SEMA3A: variants seen among roughly 807,000 people sequenced by gnomAD.
SEMA3A encodes the protein semaphorin 3A, also known as semaphorin-3A.
SEMA3A carries 29 observed loss-of-function variants against 97.9 expected under a neutral mutation model. The ratio of observed to expected loss-of-function variants is 0.30; its 90% confidence interval spans 0.22 to 0.40. The LOEUF (loss-of-function observed/expected upper bound fraction) is 0.40. SEMA3A is among the 10% of genes least tolerant of loss of function. The probability of loss-of-function intolerance (pLI) is 1.00; values close to 1 mark genes in which losing one functional copy is unlikely to be tolerated. For synonymous variants in SEMA3A, 321 were observed against 323.7 expected (o/e 0.99, Z 0.09); for missense variants, 763 against 951.3 (o/e 0.80, Z 2.60).
At chr7:84,084,161 A>C (rs1204593122) in intron 4 of SEMA3A, among the ~76,000 whole-genome samples, 1 of 152,060 alleles carries the variant, frequency 6.6e-6, no homozygotes, top group Non-Finnish European at 1.5e-5. Context: ...TTAATATGGA[A>C]GAACCATTTA....
intron 4 of SEMA3A, among the ~76,000 whole-genome samples, chr7:84,081,665 T>A (rs1583932753): frequency 6.8e-6 from 1 of 146,486 alleles, no homozygotes; most frequent in African/African-American, 2.5e-5. Flanking sequence ...ATACAAACAA[T>A]CATAGTCAGT....
chr7:84,450,132 T>C (rs1805519489), intron 1 of SEMA3A, among the ~76,000 whole-genome samples: 1 of 152,172 alleles, frequency 6.6e-6, no homozygotes, highest in Admixed American at 6.6e-5. Flanking sequence ...GGTAGTTTTA[T>C]ATTTAATTTT....
At chr7:84,433,935 T>G (rs964595740) in intron 1 of SEMA3A, among the ~76,000 whole-genome samples, 7 of 152,118 alleles carry the variant, frequency 4.6e-5, no homozygotes, top group African/African-American at 1.7e-4. Context: ...GTTTTTTTTG[T>G]AAATTTGTTT....
chr7:84,348,120 CTT>C (rs1562913394), intron 2 of SEMA3A, among the ~76,000 whole-genome samples: 1 of 152,034 alleles, frequency 6.6e-6, no homozygotes, highest in Non-Finnish European at 1.5e-5. Flanking sequence ...AAAAATGTCT[CTT>C]TTAAAAAAGT....
intron 4 of SEMA3A, among the ~76,000 whole-genome samples, chr7:84,098,615 T>C (rs1182956902): frequency 2.6e-5 from 4 of 152,136 alleles, no homozygotes; most frequent in African/African-American, 9.6e-5. Flanking sequence ...ACATACACTA[T>C]TTCAGCATGA....
rs77522953 is a variant in SEMA3A, at chr7:84,308,438, T to C, written c.-168-1146A>G. 5.6e-3 allele frequency among the ~76,000 whole-genome samples: 854 copies of C among 152,330 alleles called. 37 individuals carry two copies. The East Asian group carries it at 0.11, about 19-fold the overall frequency. On this transcript the variant is annotated intron_variant, in intron 2 of 3. Coordinates refer to the SEMA3A transcript ENST00000424555. ...CATGCATCATGAGATGGTGAAATTA[T>C]CTGAAGTTAGTGATTAGATGGAAAA...
intron 1 of SEMA3A, among the ~76,000 whole-genome samples, chr7:84,458,069 T>A (rs968430523): frequency 6.6e-6 from 1 of 152,056 alleles, no homozygotes; most frequent in Non-Finnish European, 1.5e-5. Flanking sequence ...AACCTGTTTC[T>A]TCAATTGAGT....
At chr7:84,398,045 G>A (rs550190546) in intron 1 of SEMA3A, among the ~76,000 whole-genome samples, 64 of 152,258 alleles carry the variant, frequency 4.2e-4, no homozygotes, top group Non-Finnish European at 7.4e-4. Flanking sequence ...CTAATGACCA[G>A]AGAAGTCTGA....
In SEMA3A at chr7:84,490,906, A is replaced by C. The variant is rs141234220; in HGVS notation, c.-246+1554T>G. ...CTGGGGAAGGCATAGTGAAATTAGAATCTCTCCCTGTAGGGGGTAGACATT... is the reference window on the plus strand; with the variant it reads ...CTGGGGAAGGCATAGTGAAATTAGACTCTCTCCCTGTAGGGGGTAGACATT... On this transcript the variant is annotated intron_variant, in intron 1 of 3. Coordinates refer to the SEMA3A transcript ENST00000424555. Among the ~76,000 whole-genome samples, 507 of 152,248 alleles carry C rather than the reference A, an allele frequency of 3.3e-3. 3 individuals carry two copies. Among genetic ancestry groups the C allele is most frequent in the African/African-American group, 0.012 (497 of 41,550 alleles).
In SEMA3A at chr7:83,961,733, C is replaced by T. The variant is rs549486833; in HGVS notation, c.1954G>A (p.Val652Met). 158 of 1,613,878 alleles carry T rather than the reference C, an allele frequency of 9.8e-5. 3 individuals carry two copies. In the South Asian group the frequency reaches 1.7e-3, roughly 17 times the overall value. ...AGAGTTTGTATGAACCCATGTTCCA[C>T]CGCATGGCAGAGGTAATTGCCTGAA... ...KDSGNYLCHA[V>M]EHGFIQTLLK... The change falls in exon 17 of 17, where the codon GTG (valine) becomes ATG (methionine). Residue 652 changes from valine to methionine, a missense_variant. This residue lies in a region of SEMA3A where 678 missense variants were observed against 881.3 expected (regional missense o/e 0.77). Transcript: ENST00000265362.
chr7:84,030,878 G>C (rs182345978), intron 6 of SEMA3A, among the ~76,000 whole-genome samples: 1 of 150,790 alleles, frequency 6.6e-6, no homozygotes, highest in African/African-American at 2.4e-5. Flanking sequence ...TAAATATTAA[G>C]TTAATGAACT....
chr7:84,412,943 C>T (rs1804312254), intron 1 of SEMA3A, among the ~76,000 whole-genome samples: 1 of 152,106 alleles, frequency 6.6e-6, no homozygotes, highest in South Asian at 2.1e-4. Flanking sequence ...CACATACACA[C>T]ACACTCACAC....
intron 1 of SEMA3A, among the ~76,000 whole-genome samples, chr7:84,384,388 A>G (rs1193244858): frequency 6.6e-6 from 1 of 152,200 alleles, no homozygotes; most frequent in Non-Finnish European, 1.5e-5. Context: ...TAAATCTGTT[A>G]AAAATATTAG....
intron 5 of SEMA3A, among the ~76,000 whole-genome samples, chr7:84,056,634 C>G (rs1365781360): frequency 6.6e-6 from 1 of 151,738 alleles, no homozygotes; most frequent in African/African-American, 2.4e-5. Context: ...CACACACACA[C>G]ACACATACAC....
chr7:84,441,111 T>C (rs1053916060), intron 1 of SEMA3A, among the ~76,000 whole-genome samples: 34 of 151,736 alleles, frequency 2.2e-4, no homozygotes, highest in Admixed American at 3.9e-4. Context: ...TGAGCCGAGA[T>C]TGCACTATTG....
At chr7:84,279,046 A>G (rs1003064868) in intron 3 of SEMA3A, among the ~76,000 whole-genome samples, 1 of 152,168 alleles carries the variant, frequency 6.6e-6, no homozygotes, top group African/African-American at 2.4e-5. Flanking sequence ...TGAATGTGAA[A>G]ATAACAATTT....
intron 6 of SEMA3A, among the ~76,000 whole-genome samples, chr7:84,037,175 C>A (rs997710138): frequency 2.0e-5 from 3 of 147,940 alleles, no homozygotes; most frequent in Non-Finnish European, 3.0e-5. Flanking sequence ...ATTTTGTTTT[C>A]TCTTAAGGAT....
intron 1 of SEMA3A, among the ~76,000 whole-genome samples, chr7:84,412,269 A>G (rs1804291247): frequency 6.6e-6 from 1 of 152,168 alleles, no homozygotes; most frequent in African/African-American, 2.4e-5. Flanking sequence ...GGTTACAGCC[A>G]ATTGCACAGC....
chr7:84,202,659 T>A (rs774488147), intron 3 of SEMA3A, among the ~76,000 whole-genome samples: 11 of 152,192 alleles, frequency 7.2e-5, no homozygotes, highest in Non-Finnish European at 1.5e-4. Flanking sequence ...TGGTAACCAT[T>A]GAAAACATTT....
Sources: gnomAD v4.1 joint callset for allele counts (sites outside exome capture counted in the v4.1 genomes callset) on GRCh38, gnomAD v4.1.1 for gene constraint, gnomAD v4.1.1 regional missense constraint, MANE v1.5 for transcripts, NCBI Gene and HGNC (gene_info 2026-07-23, HGNC 2026-07-21) for gene names.